Variants in FAF2 observed in about 807,000 individuals in gnomAD.
The protein encoded by FAF2 is Fas associated factor family member 2, also known as FAS-associated factor 2.
In FAF2, 9 loss-of-function variants were observed where a neutral mutation model predicts 62.3. That is an observed-to-expected ratio of 0.14 (90% CI 0.09 to 0.25). The LOEUF (loss-of-function observed/expected upper bound fraction) is 0.25, where lower values mean the gene tolerates loss of function less well. FAF2 is among the 10% of genes least tolerant of loss of function. The pLI, the probability that FAF2 is intolerant of heterozygous loss-of-function variation, is 1.00. For synonymous variants in FAF2, 202 were observed against 198.0 expected (o/e 1.02, Z -0.17); for missense variants, 368 against 556.2 (o/e 0.66, Z 3.40).
rs749952460 is a variant in FAF2 at position 176,476,804 on chromosome 5, A to ATTT, written c.64-2363_64-2361dup. On this transcript the variant is annotated intron_variant, in intron 1 of 10. Coordinates refer to ENST00000261942, the MANE Select transcript of FAF2 (RefSeq NM_014613.3). ...CACGCAGCACCACCATGCTGAACTA[A>ATTT]TTTTTTTTTTTTTTTTTTTTTTTGA... 2.0e-3 allele frequency among the ~76,000 whole-genome samples: 186 copies of ATTT among 92,866 alleles called. 4 individuals carry two copies. The highest frequency in any genetic ancestry group is 7.4e-3 in the African/African-American group (152 of 20,610). 60.9% of individuals were successfully genotyped at this position (92,866 alleles called of 152,430 possible).
intron 10 of FAF2, among the ~76,000 whole-genome samples, chr5:176,500,970 T>C (rs1361369053): frequency 6.6e-6 from 1 of 151,876 alleles, no homozygotes; most frequent in Admixed American, 6.6e-5. Flanking sequence ...CTACTAAAAA[T>C]ACAAAAATTA....
chr5:176,504,576 T>TC (rs1755646509), intron 10 of FAF2, among the ~76,000 whole-genome samples: 1 of 150,946 alleles, frequency 6.6e-6, no homozygotes, highest in Non-Finnish European at 1.5e-5. Flanking sequence ...AGAGCAAGAC[T>TC]CCATCTCAAA....
intron 1 of FAF2, among the ~76,000 whole-genome samples, chr5:176,463,904 A>G (rs1004363971): frequency 1.3e-5 from 2 of 151,768 alleles, no homozygotes; most frequent in Admixed American, 6.6e-5. Flanking sequence ...TAATTTTTGT[A>G]GTTTTAGTAG....
intron 1 of FAF2, among the ~76,000 whole-genome samples, chr5:176,478,412 G>C (rs893399082): frequency 1.3e-5 from 2 of 152,178 alleles, no homozygotes; most frequent in Non-Finnish European, 2.9e-5. Context: ...CTGGGAAGTT[G>C]AGACTGCAGT....
chr5:176,467,433 C>T (rs758774526), intron 1 of FAF2, among the ~76,000 whole-genome samples: 1 of 151,968 alleles, frequency 6.6e-6, no homozygotes, highest in Admixed American at 6.6e-5. Flanking sequence ...CAAGTTTAAG[C>T]GATTCTTGTG....
At position 176,509,844 on chromosome 5, in the gene FAF2, C is replaced by A. The variant is rs1316838771; in HGVS notation, c.*2894C>A. 1 of 152,648 alleles carries A rather than the reference C, an allele frequency of 6.6e-6. No homozygotes were observed. The highest frequency in any genetic ancestry group is 1.5e-5 in the Non-Finnish European group (1 of 68,040). 9.5% of individuals were successfully genotyped at this position (152,648 alleles called of 1,614,324 possible). On this transcript the variant is annotated 3_prime_UTR_variant, in exon 11 of 11. Transcript: ENST00000261942. ...CCCCAGAATGCAAAATCAGGGGCAT[C>A]ATTATCCGGTGCTTGAACAAGGAGC...
intron 1 of FAF2, among the ~76,000 whole-genome samples, chr5:176,454,441 G>T (rs1428142319): frequency 6.6e-6 from 1 of 151,042 alleles, no homozygotes; most frequent in Non-Finnish European, 1.5e-5. Flanking sequence ...AGCCCAGTGT[G>T]GTGGCACAGG....
chr5:176,493,363 C>T (rs1759005788), intron 5 of FAF2, among the ~76,000 whole-genome samples: 1 of 152,248 alleles, frequency 6.6e-6, no homozygotes, highest in Non-Finnish European at 1.5e-5. Context: ...TGTACCCTCT[C>T]TGCTATGATC....
intron 1 of FAF2, among the ~76,000 whole-genome samples, chr5:176,462,256 G>A (rs2115050): frequency 0.83 from 126,003 of 151,964 alleles, 52,356 homozygotes; most frequent in African/African-American, 0.9. Flanking sequence ...AGCCTGGGTG[G>A]CAGAGTGAGA....
chr5:176,488,345 A>G (rs954240341), intron 3 of FAF2, among the ~76,000 whole-genome samples: 1 of 152,168 alleles, frequency 6.6e-6, no homozygotes, highest in Non-Finnish European at 1.5e-5. Context: ...TCATTTGGGG[A>G]ACATTAATTT....
intron 1 of FAF2, among the ~76,000 whole-genome samples, chr5:176,470,219 C>T (rs2913731): frequency 6.6e-6 from 1 of 152,062 alleles, no homozygotes; most frequent in East Asian, 1.9e-4. Context: ...AGTTGTATTA[C>T]TAATGGTTGG....
chr5:176,486,430 C>A lies in FAF2; in HGVS notation c.208C>A (p.Gln70Lys). The A allele has an allele frequency of 6.2e-7, 1 of 1,614,126 alleles. No individual in the cohort carries two copies. The stretch of plus-strand genomic sequence containing the variant: ...CAACCCACCTCCATCACGACCCCTG[C>A]AGGTTAATACAGCTGACCACAGGAT... ...VFNPPPSRPL[Q>K]VNTADHRIYS... The change falls in exon 3 of 11, where the codon CAG becomes AAG. Residue 70 changes from glutamine (Q) to lysine (K), a missense_variant. By Grantham distance (53) the Gln-to-Lys change is moderately conservative (BLOSUM62 1). This residue lies in a region of FAF2 where 331 missense variants were observed against 441.9 expected (regional missense o/e 0.75). Transcript: ENST00000261942.
At chr5:176,492,409 A>G (rs1758987991) in intron 5 of FAF2, 77 bp downstream of exon 5, 1 of 1,434,936 alleles carries the variant, frequency 7.0e-7, no homozygotes. Flanking sequence ...CCCAGCACTG[A>G]TCATGTCCTT....
At chr5:176,488,214 G>C (rs902091162) in intron 3 of FAF2, among the ~76,000 whole-genome samples, 2 of 152,196 alleles carry the variant, frequency 1.3e-5, no homozygotes, top group Non-Finnish European at 2.9e-5. Context: ...CTGACCCCAG[G>C]TGATCCATCC....
At chr5:176,460,003 A>G (rs1758349515) in intron 1 of FAF2, among the ~76,000 whole-genome samples, 1 of 152,090 alleles carries the variant, frequency 6.6e-6, no homozygotes, top group Admixed American at 6.6e-5. Context: ...TTGGTTCTGC[A>G]TTAATTTGCT....
intron 1 of FAF2, among the ~76,000 whole-genome samples, chr5:176,478,510 G>C (rs566494866): frequency 6.6e-6 from 1 of 152,202 alleles, no homozygotes; most frequent in East Asian, 1.9e-4. Flanking sequence ...AGGGGGGTCG[G>C]TATGTTAGGT....
rs1181299725 is a variant in FAF2 at position 176,499,010 on chromosome 5, G to C, written c.936G>C (p.Arg312=). The C allele has an allele frequency of 6.2e-7, 1 of 1,613,578 alleles. No individual in the cohort carries two copies. Among genetic ancestry groups the C allele is most frequent in the Non-Finnish European group, 8.5e-7 (1 of 1,179,660 alleles). ...ACCAGGAGAAAGAAAGAAAGAAACGGGAGGAGCGGGAGCGTAAGCGGCGGA... is the reference window on the plus strand; with the variant it reads ...ACCAGGAGAAAGAAAGAAAGAAACGCGAGGAGCGGGAGCGTAAGCGGCGGA... The part of the protein sequence containing the change: ...RADQEKERKK[R]EERERKRRKE... Residue 312 remains arginine, a synonymous_variant, in exon 9 of 11, where the codon CGG becomes CGC. Coordinates refer to ENST00000261942, the MANE Select transcript of FAF2 (RefSeq NM_014613.3).
intron 2 of FAF2, among the ~76,000 whole-genome samples, chr5:176,485,374 T>G (rs1758857760): frequency 6.6e-6 from 1 of 152,198 alleles, no homozygotes; most frequent in Non-Finnish European, 1.5e-5. Flanking sequence ...AACCACATGG[T>G]TGGTCTTTCT....
intron 5 of FAF2, among the ~76,000 whole-genome samples, chr5:176,493,390 C>G (rs958932674): frequency 2.6e-5 from 4 of 152,218 alleles, no homozygotes; most frequent in Admixed American, 2.6e-4. Context: ...GTAGACCACC[C>G]TTGACCATGT....
Sources: allele counts gnomAD v4.1 joint callset (sites outside exome capture counted in the v4.1 genomes callset), GRCh38; gene constraint gnomAD v4.1.1; regional missense constraint gnomAD v4.1.1; transcripts MANE v1.5; gene names NCBI Gene and HGNC (gene_info 2026-07-23, HGNC 2026-07-21).